ZNF219: variants seen among roughly 807,000 people sequenced by gnomAD.
The protein encoded by ZNF219 is zinc finger protein 219.
In ZNF219, 17 loss-of-function variants were observed where a neutral mutation model predicts 54.4. That is an observed-to-expected ratio of 0.31 (90% CI 0.21 to 0.47). The LOEUF (loss-of-function observed/expected upper bound fraction) is 0.47. Ranked by LOEUF, ZNF219 falls within the 20% of genes least tolerant of loss-of-function variation. The pLI is 1.00. For missense variants in ZNF219, 1,014 were observed against 1,062.3 expected, an observed-to-expected ratio of 0.95 and a Z score of 0.63; for synonymous variants, 518 against 476.4, an observed-to-expected ratio of 1.09 and a Z score of -1.14.
chr14:21,093,744 C>T (rs1364289870), intron 1 of ZNF219, 70 bp from the exon 2 acceptor site: 19 of 1,393,168 alleles, frequency 1.4e-5, no homozygotes. Context: ...CTCCCTACCC[C>T]CAGACTCTCA....
At chr14:21,101,390 G>A (rs1288167539), upstream of ZNF219, 36 of 1,551,556 alleles carry the variant, frequency 2.3e-5, no homozygotes, top group South Asian at 1.2e-4. Context: ...CACAGCCTTC[G>A]TCTGGAAAAG....
At position 21,092,525 on chromosome 14, in the gene ZNF219, G is replaced by C. The variant is rs1418892302; in HGVS notation, c.772C>G (p.Pro258Ala). 1.3e-6 allele frequency: 2 copies of C among 1,549,788 alleles called. No individual in the cohort carries two copies. Among genetic ancestry groups the C allele is most frequent in the South Asian group, 2.4e-5 (2 of 84,074 alleles). ...PEPEPEREAT[P>A]TPAPAAPEEP... Reference sequence around the variant, plus strand: ...TCGGGAGCGGCAGGAGCTGGGGTCGGGGTTGCCTCACGTTCGGGCTCCGGC... The same window carrying C: ...TCGGGAGCGGCAGGAGCTGGGGTCGCGGTTGCCTCACGTTCGGGCTCCGGC... Residue 258 changes from proline (P) to alanine (A), a missense_variant, in exon 3 of 5, where the codon CCG (proline) becomes GCG (alanine). Transcript: ENST00000360947.
chr14:21,090,396 C>T lies in ZNF219; in HGVS notation c.*140G>A. On this transcript the variant is annotated 3_prime_UTR_variant, in exon 5 of 5. Coordinates refer to ENST00000360947, the MANE Select transcript of ZNF219 (RefSeq NM_016423.3). The surrounding 1 kb of genome is among the most constrained non-coding windows in gnomAD (Gnocchi z 4.4). ...CGCCAGCCCACCCTCCTACGCCCGC[C>T]GCGCCTTCCACCTCTGGTCCGCCTG... is the stretch of plus-strand genomic sequence containing the variant. 3 of 1,199,020 alleles carry T rather than the reference C, an allele frequency of 2.5e-6. No individual in the cohort carries two copies. The highest frequency in any genetic ancestry group is 2.1e-4 in the Middle Eastern group (1 of 4,730). The allele number at this position is 1,199,020 out of a possible 1,614,324, so 74.3% of individuals were successfully genotyped here. A position where few individuals can be genotyped will look rare whatever the true frequency, so the allele number is the denominator to read the frequency against.
chr14:21,093,513 A>G, intron 2 of ZNF219, 73 bp downstream of exon 2: 2 of 1,556,622 alleles, frequency 1.3e-6, no homozygotes, highest in Non-Finnish European at 1.8e-6. Flanking sequence ...GAGGTCAAAG[A>G]GAGAGAGAGG....
chr14:21,100,051 G>A (rs979423247), upstream of ZNF219, among the ~76,000 whole-genome samples: 1 of 152,138 alleles, frequency 6.6e-6, no homozygotes, highest in Non-Finnish European at 1.5e-5. Context: ...ATAAACTGAG[G>A]TGCGAATAGG....
At chr14:21,099,562 G>T (rs1347398495), upstream of ZNF219, among the ~76,000 whole-genome samples, 1 of 152,216 alleles carries the variant, frequency 6.6e-6, no homozygotes, top group Non-Finnish European at 1.5e-5. Context: ...GCTTACAAAA[G>T]ATCACTTGCC....
intron 1 of ZNF219, chr14:21,094,568 G>C (rs969708725): frequency 2.7e-6 from 1 of 371,500 alleles, no homozygotes; most frequent in African/African-American, 2.1e-5. Context: ...AGTGAGGGAC[G>C]GGGGGCGGGG....
chr14:21,102,679 T>C, upstream of ZNF219: 1 of 1,551,558 alleles, frequency 6.4e-7, no homozygotes, highest in Non-Finnish European at 8.7e-7. Flanking sequence ...GCCTTCACCC[T>C]AGGGGGAGTG....
Position 21,098,632 on chromosome 14 carries a change from G to A in ZNF219, c.-404C>T. The stretch of plus-strand genomic sequence containing the variant: ...GAGCCGCGAGAGGCGGCCGCCAGGG[G>A]CGGGGTGCGGGCGGTTTGGAGACGG... On this transcript the variant is annotated 5_prime_UTR_variant, in exon 1 of 5. Transcript: ENST00000360947. The A allele has an allele frequency of 9.8e-7, 1 of 1,015,752 alleles. No homozygotes were observed. Among genetic ancestry groups the A allele is most frequent in the Non-Finnish European group, 1.2e-6 (1 of 845,972 alleles). The allele number at this position is 1,015,752 out of a possible 1,614,324, so 62.9% of individuals were successfully genotyped here. A position where few individuals can be genotyped will look rare whatever the true frequency, so the allele number is the denominator to read the frequency against.
chr14:21,100,103 C>A (rs944659361), upstream of ZNF219, among the ~76,000 whole-genome samples: 1 of 152,124 alleles, frequency 6.6e-6, no homozygotes, highest in Non-Finnish European at 1.5e-5. Context: ...TGGCCCACAC[C>A]TGTAATCCCA....
chr14:21,092,202 C>T lies in ZNF219; in HGVS notation c.1095G>A (p.Pro365=), dbSNP rs931371939. 1 of 1,437,454 alleles carries T rather than the reference C, an allele frequency of 7.0e-7. No homozygotes were observed. The highest frequency in any genetic ancestry group is 9.1e-7 in the Non-Finnish European group (1 of 1,102,282). 89.0% of individuals were successfully genotyped at this position (1,437,454 alleles called of 1,614,324 possible). Residue 365 remains proline (P), a synonymous_variant, in exon 3 of 5, where the codon CCG becomes CCA. Transcript: ENST00000360947. ...CACGGCGCTCGGCCGGGGTGGGAGC[C>T]GGGGCCAAGAGGAGCGCTGGGCCCA... ...EPLGPALLLA[P]APTPAERREP... is the part of the protein sequence containing the mutation.
rs779965542 is a variant in ZNF219, at chr14:21,093,597, C to T, written c.-6G>A. 1 of 1,614,066 alleles carries T rather than the reference C, an allele frequency of 6.2e-7. No homozygotes were observed. The highest frequency in any genetic ancestry group is 8.5e-7 in the Non-Finnish European group (1 of 1,179,986). ...AGAGCTTCACTCACCTCCATGGACCCCCTTCACATTCTTTGGTTCTGGGAA... is the reference window on the plus strand; with the variant it reads ...AGAGCTTCACTCACCTCCATGGACCTCCTTCACATTCTTTGGTTCTGGGAA... On this transcript the variant is annotated 5_prime_UTR_variant, in exon 2 of 5. Coordinates refer to ENST00000360947, the MANE Select transcript of ZNF219 (RefSeq NM_016423.3).
At chr14:21,098,668 CGGAG>C (rs1256067794), upstream of ZNF219, 12 of 847,316 alleles carry the variant, frequency 1.4e-5, no homozygotes, top group South Asian at 6.0e-5. Context: ...GGGGCGCTGT[CGGAG>C]GGAGGGAGGA....
Position 21,094,907 on chromosome 14 carries a change from C to CT in ZNF219, c.-83-1234dup, listed in dbSNP as rs59112788. 1.8e-3 allele frequency among the ~76,000 whole-genome samples: 230 copies of CT among 125,122 alleles called. 3 individuals are homozygous for CT. The East Asian group carries it at 0.021, about 11-fold the overall frequency. 82.1% of individuals were successfully genotyped at this position (125,122 alleles called of 152,430 possible). On this transcript the variant is annotated intron_variant, in intron 1 of 4. Transcript: ENST00000360947. ...AAGGCTAAATGAATGTGGGTCTAAC[C>CT]TTTTTTTTTTTTTTTTTTTGTCTAA...
chr14:21,104,701 T>G (rs1422392264), exon 1 of ZNF219: 1 of 152,252 alleles, frequency 6.6e-6, no homozygotes, highest in Non-Finnish European at 1.5e-5. Flanking sequence ...TCTTTTCTGT[T>G]TGTGACACCT....
chr14:21,092,187 G>T lies in ZNF219; in HGVS notation c.1110C>A (p.Ala370=), dbSNP rs1478238039. 5 of 1,437,674 alleles carry T rather than the reference G, an allele frequency of 3.5e-6. No homozygotes were observed. In the East Asian group the frequency reaches 1.3e-4, roughly 38 times the overall value. 89.1% of individuals were successfully genotyped at this position (1,437,674 alleles called of 1,614,324 possible). A position where few individuals can be genotyped will look rare whatever the true frequency, so the allele number is the denominator to read the frequency against. Residue 370 remains alanine (A), a synonymous_variant, in exon 3 of 5, where the codon GCC becomes GCA. Coordinates refer to ENST00000360947, the MANE Select transcript of ZNF219 (RefSeq NM_016423.3). ...ALLLAPAPTP[A]ERREPPSLLG... is the part of the protein sequence containing the mutation. ...AGAGGCTCGGGGGCTCACGGCGCTC[G>T]GCCGGGGTGGGAGCCGGGGCCAAGA...
In ZNF219 at chr14:21,092,642, G is replaced by T. The variant is rs1475445889; in HGVS notation, c.655C>A (p.Leu219Met). The change falls in exon 3 of 5, where the codon CTG becomes ATG. Residue 219 changes from leucine to methionine, a missense_variant. Around this residue, in one of 5 missense-constraint regions of ZNF219, gnomAD observed 395 missense variants for 415.1 expected, o/e 0.95. Coordinates refer to ENST00000360947, the MANE Select transcript of ZNF219 (RefSeq NM_016423.3). ...GGAGGCGCAGCGGAGGTGGCCGCCA[G>T]GGGACGCTCGGGAGCCCCGTGGGCC... ...LTAHGAPERP[L>M]AATSAAPPPQ... 2 of 1,563,096 alleles carry T rather than the reference G, an allele frequency of 1.3e-6. No homozygotes were observed. Among genetic ancestry groups the T allele is most frequent in the Admixed American group, 3.8e-5 (2 of 52,160 alleles).
In ZNF219 at chr14:21,091,449, G is replaced by A; in HGVS notation, c.1526C>T (p.Ser509Leu). Residue 509 changes from serine (S) to leucine (L), a missense_variant, in exon 4 of 5, where the codon TCA becomes TTA. Coordinates refer to ENST00000360947, the MANE Select transcript of ZNF219 (RefSeq NM_016423.3). ...CAGATGCACTTTGAGGTGATGTGCT[G>A]AGCGGAAAGATTTTCCGCAGAAAGG... ...DCPFCGKSFR[S>L]AHHLKVHLRV... is the part of the protein sequence containing the mutation. 1.2e-6 allele frequency: 2 copies of A among 1,609,046 alleles called. No individual in the cohort carries two copies. The highest frequency in any genetic ancestry group is 1.7e-6 in the Non-Finnish European group (2 of 1,176,196).
In ZNF219 at chr14:21,091,832, G is replaced by C. The variant is rs767125676; in HGVS notation, c.1432+33C>G. 22 of 1,490,734 alleles carry C rather than the reference G, an allele frequency of 1.5e-5. No individual in the cohort carries two copies. In the Admixed American group the frequency reaches 1.9e-4, roughly 13 times the overall value. The allele number at this position is 1,490,734 out of a possible 1,614,324, so 92.3% of individuals were successfully genotyped here. On this transcript the variant is annotated intron_variant, in intron 3 of 4. Coordinates refer to ENST00000360947, the MANE Select transcript of ZNF219 (RefSeq NM_016423.3). ...CGGCGTAAGAGTCAGAGGAGGACGCGGCGTACCCGGAGAGCGGAGGGTACC... is the reference window on the plus strand; with the variant it reads ...CGGCGTAAGAGTCAGAGGAGGACGCCGCGTACCCGGAGAGCGGAGGGTACC...
Sources: allele counts gnomAD v4.1 joint callset (sites outside exome capture counted in the v4.1 genomes callset), GRCh38; gene constraint gnomAD v4.1.1; regional missense constraint gnomAD v4.1.1; non-coding constraint Gnocchi (gnomAD v3.1); transcripts MANE v1.5; gene names NCBI Gene and HGNC (gene_info 2026-07-23, HGNC 2026-07-21).